Variants in MYO7B observed in about 807,000 individuals in gnomAD.
MYO7B encodes myosin VIIB.
Under a neutral mutation model 259.7 loss-of-function variants are expected in MYO7B, and 212 were observed. That is an observed-to-expected ratio of 0.82 (90% CI 0.73 to 0.91). The LOEUF (loss-of-function observed/expected upper bound fraction) is 0.91, where lower values mean the gene tolerates loss of function less well. MYO7B is among the 40% of genes least tolerant of loss of function. The probability of loss-of-function intolerance (pLI) is 0.00; values close to 1 mark genes in which losing one functional copy is unlikely to be tolerated. For missense variants in MYO7B, 2,732 were observed against 2,813.5 expected (o/e 0.97, Z 0.66); for synonymous variants, 1,197 against 1,166.4 (o/e 1.03, Z -0.54).
intron 1 of MYO7B, among the ~76,000 whole-genome samples, chr2:127,558,069 T>C (rs1380680763): frequency 6.6e-6 from 1 of 151,942 alleles, no homozygotes; most frequent in African/African-American, 2.4e-5. Context: ...ACCCATAAAG[T>C]GGGAGAAAAT....
intron 35 of MYO7B, 58 bp from the exon 36 acceptor site, chr2:127,630,720 C>A: frequency 1.3e-6 from 2 of 1,598,754 alleles, no homozygotes; most frequent in Non-Finnish European, 1.7e-6. Context: ...GAGGAGCCTG[C>A]AGGAAGGGCC....
intron 19 of MYO7B, among the ~76,000 whole-genome samples, chr2:127,603,847 C>A (rs1235769363): frequency 6.6e-6 from 1 of 152,192 alleles, no homozygotes. Flanking sequence ...CATTGAAAAT[C>A]TGTTGGCCAG....
At chr2:127,635,009 T>C in intron 42 of MYO7B, 111 bp from the exon 43 acceptor site, 2 of 819,894 alleles carry the variant, frequency 2.4e-6, no homozygotes, top group Admixed American at 4.1e-5. Flanking sequence ...GGAAGAAGCG[T>C]GGGGGCTTTC....
Position 127,576,380 on chromosome 2 carries a change from A to G in MYO7B, c.736-215A>G, listed in dbSNP as rs552276406. ...TTCGAGGAGCAGTCAAGATGCAGGGAAATGGAGTTCTCAGGGCAGGGATGA... is the reference window on the plus strand; with the variant it reads ...TTCGAGGAGCAGTCAAGATGCAGGGGAATGGAGTTCTCAGGGCAGGGATGA... On this transcript the variant is annotated intron_variant, in intron 7 of 47. Transcript: ENST00000409816. The surrounding 1 kb of genome is among the most constrained non-coding windows in gnomAD (Gnocchi z 4.9). Among the ~76,000 whole-genome samples the G allele has an allele frequency of 4.6e-5, 7 of 152,120 alleles. No individual in the cohort carries two copies. Among genetic ancestry groups the G allele is most frequent in the Non-Finnish European group, 1.0e-4 (7 of 67,998 alleles).
In MYO7B at chr2:127,585,408, C is replaced by T. The variant is rs990902008; in HGVS notation, c.1690+495C>T. Among the ~76,000 whole-genome samples, 1 of 152,130 alleles carries T rather than the reference C, an allele frequency of 6.6e-6. No individual in the cohort carries two copies. The highest frequency in any genetic ancestry group is 1.9e-4 in the East Asian group (1 of 5,196). On this transcript the variant is annotated intron_variant, in intron 14 of 47. Coordinates refer to ENST00000409816, the MANE Select transcript of MYO7B (RefSeq NM_001393586.1). The surrounding 1 kb of genome is among the most constrained non-coding windows in gnomAD (Gnocchi z 4.3). ...TTCAAGGTTCATCTATGTTGTAGTA[C>T]GTGTCAGTGCTCCATGTCTTTTTAT...
In MYO7B at chr2:127,627,312, T is replaced by G; in HGVS notation, c.4460+2T>G. The stretch of plus-strand genomic sequence containing the variant: ...GGTCATGGGTCTGGCCACCAACAGG[T>G]GCGGGCCCTGAGGGAAGATCTCTTC... On this transcript the variant is annotated splice_donor_variant, in intron 33 of 47. Transcript: ENST00000409816. LOFTEE classifies it high-confidence loss of function. The surrounding 1 kb of genome is among the most constrained non-coding windows in gnomAD (Gnocchi z 5.6). 6.2e-7 allele frequency: 1 copy of G among 1,607,294 alleles called. No individual in the cohort carries two copies. Among genetic ancestry groups the G allele is most frequent in the Non-Finnish European group, 8.5e-7 (1 of 1,178,166 alleles).
chr2:127,561,982 G>T (rs1047188629), intron 2 of MYO7B, among the ~76,000 whole-genome samples: 2 of 151,918 alleles, frequency 1.3e-5, no homozygotes, highest in African/African-American at 2.4e-5. Context: ...TTCTGTGCTT[G>T]GGGGTGAGGA....
chr2:127,578,987 A>G (rs1387374652), intron 9 of MYO7B, among the ~76,000 whole-genome samples: 2 of 152,162 alleles, frequency 1.3e-5, no homozygotes, highest in African/African-American at 2.4e-5. Flanking sequence ...AACCACATAG[A>G]AATTCCATTC....
intron 6 of MYO7B, among the ~76,000 whole-genome samples, chr2:127,572,432 G>A (rs1258471306): frequency 1.2e-4 from 11 of 93,136 alleles, no homozygotes; most frequent in South Asian, 3.7e-4. Flanking sequence ...AAAAAAAAAA[G>A]ACTTTTCTGT....
rs1693217112 is a variant in MYO7B, at chr2:127,546,043, A to G, written c.-24+10212A>G. On this transcript the variant is annotated intron_variant, in intron 1 of 47. Transcript: ENST00000409816. The surrounding 1 kb of genome is among the most constrained non-coding windows in gnomAD (Gnocchi z 4.2). The stretch of plus-strand genomic sequence containing the variant: ...TTGAGTGATGGCTTCCATGCCAGGT[A>G]CTCTCAGCTCTGGGGAGCAGGGAAT... Among the ~76,000 whole-genome samples, 1 of 152,120 alleles carries G rather than the reference A, an allele frequency of 6.6e-6. No individual in the cohort carries two copies. The highest frequency in any genetic ancestry group is 1.5e-5 in the Non-Finnish European group (1 of 68,026).
intron 6 of MYO7B, among the ~76,000 whole-genome samples, chr2:127,571,157 C>T (rs1425105304): frequency 2.0e-5 from 3 of 152,098 alleles, no homozygotes; most frequent in Non-Finnish European, 4.4e-5. Context: ...CAGAAACTTC[C>T]GAAATGTTTT....
At position 127,576,804 on chromosome 2, in the gene MYO7B, A is replaced by C; in HGVS notation, c.849+96A>C. 1.2e-6 allele frequency: 1 copy of C among 856,662 alleles called. No homozygotes were observed. The highest frequency in any genetic ancestry group is 1.8e-6 in the Non-Finnish European group (1 of 563,512). The allele number at this position is 856,662 out of a possible 1,614,324, so 53.1% of individuals were successfully genotyped here. Reference sequence around the variant, plus strand: ...TCCGCGACAGCTGCAGAGAAGCCCAACGCTGGCCGGGCCCCTGAGGCGGGG... The same window carrying C: ...TCCGCGACAGCTGCAGAGAAGCCCACCGCTGGCCGGGCCCCTGAGGCGGGG... On this transcript the variant is annotated intron_variant, in intron 8 of 47. Coordinates refer to ENST00000409816, the MANE Select transcript of MYO7B (RefSeq NM_001393586.1). This position sits in a 1 kb window ranked among gnomAD's most constrained non-coding sequence, Gnocchi z 4.9.
chr2:127,633,433 G>GC, intron 40 of MYO7B, 70 bp downstream of exon 40: 1 of 1,462,024 alleles, frequency 6.8e-7, no homozygotes, highest in Non-Finnish European at 9.5e-7. Context: ...CTCCTTCCTG[G>GC]CCCAGCCTGC....
Position 127,637,652 on chromosome 2 carries a change from ATGAC to A in MYO7B, c.*244_*247del, listed in dbSNP as rs1241727982. On this transcript the variant is annotated 3_prime_UTR_variant, in exon 48 of 48. Coordinates refer to ENST00000409816, the MANE Select transcript of MYO7B (RefSeq NM_001393586.1). The stretch of plus-strand genomic sequence containing the variant: ...TCTCGGACCCCCAGGCTATTGGTGG[ATGAC>A]TGACTGACAGGACACCTCCCAACCC... 7 of 439,022 alleles carry A rather than the reference ATGAC, an allele frequency of 1.6e-5. No individual in the cohort carries two copies. Among genetic ancestry groups the A allele is most frequent in the South Asian group, 6.4e-5 (1 of 15,606 alleles). The allele number at this position is 439,022 out of a possible 1,614,324, so 27.2% of individuals were successfully genotyped here.
At position 127,627,372 on chromosome 2, in the gene MYO7B, TC is replaced by T; in HGVS notation, c.4460+63del. The T allele has an allele frequency of 7.0e-7, 1 of 1,434,188 alleles. No homozygotes were observed. Among genetic ancestry groups the T allele is most frequent in the Non-Finnish European group, 9.5e-7 (1 of 1,049,298 alleles). The allele number at this position is 1,434,188 out of a possible 1,614,324, so 88.8% of individuals were successfully genotyped here. On this transcript the variant is annotated intron_variant, in intron 33 of 47. Coordinates refer to ENST00000409816, the MANE Select transcript of MYO7B (RefSeq NM_001393586.1). The surrounding 1 kb of genome is among the most constrained non-coding windows in gnomAD (Gnocchi z 5.6). Reference sequence around the variant, plus strand: ...GAGTCCTTGTGATGCATCTGGGGGCTCGGGGAGAGATGGGGAGAGGGGCAGT... The same window carrying T: ...GAGTCCTTGTGATGCATCTGGGGGCTGGGGAGAGATGGGGAGAGGGGCAGT...
Position 127,546,711 on chromosome 2 carries a change from C to A in MYO7B, c.-24+10880C>A, listed in dbSNP as rs1408373503. Among the ~76,000 whole-genome samples, 1 of 152,156 alleles carries A rather than the reference C, an allele frequency of 6.6e-6. No homozygotes were observed. The highest frequency in any genetic ancestry group is 1.9e-4 in the East Asian group (1 of 5,196). On this transcript the variant is annotated intron_variant, in intron 1 of 47. Coordinates refer to ENST00000409816, the MANE Select transcript of MYO7B (RefSeq NM_001393586.1). This position sits in a 1 kb window ranked among gnomAD's most constrained non-coding sequence, Gnocchi z 4.2. ...TTCCCAAGGGGCAGAAAATTTTAAGCACACCAGTGCTTCCTGTAAGGGGCA... is the reference window on the plus strand; with the variant it reads ...TTCCCAAGGGGCAGAAAATTTTAAGAACACCAGTGCTTCCTGTAAGGGGCA...
intron 29 of MYO7B, among the ~76,000 whole-genome samples, chr2:127,623,721 G>C (rs1409272378): frequency 2.0e-5 from 3 of 152,112 alleles, no homozygotes; most frequent in African/African-American, 4.8e-5. Context: ...GGACACCCCT[G>C]CAGCAAACAT....
Position 127,585,232 on chromosome 2 carries a change from C to T in MYO7B, c.1690+319C>T, listed in dbSNP as rs75468069. Among the ~76,000 whole-genome samples, 9,031 of 152,184 alleles carry T rather than the reference C, an allele frequency of 0.059. 378 individuals are homozygous for T. Among genetic ancestry groups the T allele is most frequent in the East Asian group, 0.15 (781 of 5,172 alleles). On this transcript the variant is annotated intron_variant, in intron 14 of 47. Coordinates refer to ENST00000409816, the MANE Select transcript of MYO7B (RefSeq NM_001393586.1). This position sits in a 1 kb window ranked among gnomAD's most constrained non-coding sequence, Gnocchi z 4.3. ...ACTTTTTCGCCACCCCTAAAAGAAACCCCTCATGAGCAACCACTCCCATTT... is the reference window on the plus strand; with the variant it reads ...ACTTTTTCGCCACCCCTAAAAGAAATCCCTCATGAGCAACCACTCCCATTT...
chr2:127,625,721 C>G (rs1036993254), intron 31 of MYO7B, among the ~76,000 whole-genome samples, 186 bp downstream of exon 31: 2 of 152,230 alleles, frequency 1.3e-5, no homozygotes, highest in Non-Finnish European at 2.9e-5. Flanking sequence ...CTCAGTTCAG[C>G]TCTCTGTCAC....
Sources: gnomAD v4.1 joint callset for allele counts (sites outside exome capture counted in the v4.1 genomes callset) on GRCh38, gnomAD v4.1.1 for gene constraint, Gnocchi (gnomAD v3.1) non-coding constraint, MANE v1.5 for transcripts, NCBI Gene and HGNC (gene_info 2026-07-23, HGNC 2026-07-21) for gene names.